The following POLQ variants were observed in gnomAD, a reference collection of about 807,000 sequenced individuals.
POLQ encodes DNA polymerase theta.
Under a neutral mutation model 259.2 loss-of-function variants are expected in POLQ, and 233 were observed. The ratio of observed to expected loss-of-function variants is 0.90; its 90% CI spans 0.81 to 1.00. The LOEUF is 1.00. POLQ is among the 50% of genes least tolerant of loss of function. The pLI, the probability that POLQ is intolerant of heterozygous loss-of-function variation, is 0.00. For synonymous variants in POLQ, 1,025 were observed against 1,048.8 expected, an observed-to-expected ratio of 0.98 and a Z score of 0.44; for missense variants, 2,871 against 3,051.6, an observed-to-expected ratio of 0.94 and a Z score of 1.39.
At chr3:121,437,443 A>C (rs141041294) in intron 27 of POLQ, among the ~76,000 whole-genome samples, 1 of 152,352 alleles carries the variant, frequency 6.6e-6, no homozygotes, top group East Asian at 1.9e-4. Context: ...AAGGTTGCTC[A>C]TTTGTAAGAT....
At chr3:121,482,101 A>G (rs548757997) in intron 18 of POLQ, among the ~76,000 whole-genome samples, 46 of 152,348 alleles carry the variant, frequency 3.0e-4, no homozygotes, top group Non-Finnish European at 5.4e-4. Flanking sequence ...AGTGTGTCTC[A>G]GCAAACTCAA....
chr3:121,493,400 T>C (rs1021304967), intron 15 of POLQ, 78 bp downstream of exon 15: 1 of 1,089,282 alleles, frequency 9.2e-7, no homozygotes, highest in Non-Finnish European at 1.3e-6. Context: ...AAAATAACTT[T>C]AATACATTAT....
intron 7 of POLQ, 125 bp from the exon 8 acceptor site, chr3:121,522,274 C>T (rs1225476358): frequency 2.1e-5 from 5 of 234,214 alleles, no homozygotes; most frequent in Non-Finnish European, 4.1e-5. Context: ...CTATATAATC[C>T]CCTGGAGATC....
At chr3:121,432,647 A>C (rs1377894003) in intron 29 of POLQ, among the ~76,000 whole-genome samples, 2 of 152,252 alleles carry the variant, frequency 1.3e-5, no homozygotes, top group African/African-American at 2.4e-5. Flanking sequence ...GAATGCTTGG[A>C]GCTTAGAAAC....
chr3:121,474,877 T>C (rs2047913520), intron 20 of POLQ, among the ~76,000 whole-genome samples: 3 of 152,238 alleles, frequency 2.0e-5, no homozygotes, highest in African/African-American at 7.2e-5. Flanking sequence ...ATTGTTTACC[T>C]GATTTTATTG....
rs1331932763 is a variant in POLQ, at chr3:121,449,180, C to G, written c.7264+135G>C. The G allele has an allele frequency of 1.3e-5, 7 of 545,762 alleles. No homozygotes were observed. The Admixed American group carries it at 1.9e-4, about 15-fold the overall frequency. 33.8% of individuals were successfully genotyped at this position (545,762 alleles called of 1,614,324 possible). On this transcript the variant is annotated intron_variant, in intron 26 of 29. Transcript: ENST00000264233. ...CTTAGTAAGTGATTATAAGGTTAAT[C>G]TTATTTACCCTTAACAATGCCTGAT...
At chr3:121,438,710 A>G (rs1280519672) in intron 27 of POLQ, among the ~76,000 whole-genome samples, 3 of 152,196 alleles carry the variant, frequency 2.0e-5, no homozygotes, top group South Asian at 2.1e-4. Flanking sequence ...AAGTATATCA[A>G]TGATGTTTTC....
intron 26 of POLQ, among the ~76,000 whole-genome samples, chr3:121,448,202 T>C (rs1339719919): frequency 6.6e-6 from 1 of 152,064 alleles, no homozygotes; most frequent in East Asian, 1.9e-4. Context: ...GCTTCATCCT[T>C]TTTAATACTT....
At chr3:121,543,101 A>G (rs576396154) in intron 2 of POLQ, among the ~76,000 whole-genome samples, 2 of 152,342 alleles carry the variant, frequency 1.3e-5, no homozygotes, top group Admixed American at 6.5e-5. Context: ...TGTACCAGGT[A>G]ATGGACCTAA....
Position 121,436,178 on chromosome 3 carries a change from T to C in POLQ, c.7487A>G (p.His2496Arg). ...VNIQKQLETF[H>R]STFKSHGHRE... ...ATGACCATGGGATTTGAAGGTTGAG[T>C]GGAAGGTCTCTAATTGCTTCTGAAT... Residue 2496 changes from histidine to arginine, a missense_variant, in exon 28 of 30, where the codon CAC becomes CGC. Coordinates refer to ENST00000264233, the MANE Select transcript of POLQ (RefSeq NM_199420.4). 6.2e-7 allele frequency: 1 copy of C among 1,613,896 alleles called. No homozygotes were observed. The highest frequency in any genetic ancestry group is 8.5e-7 in the Non-Finnish European group (1 of 1,179,804).
At position 121,440,064 on chromosome 3, in the gene POLQ, A is replaced by G. The variant is rs369060217; in HGVS notation, c.7317T>C (p.Phe2439=). The G allele has an allele frequency of 2.5e-6, 4 of 1,610,610 alleles. No individual in the cohort carries two copies. Among genetic ancestry groups the G allele is most frequent in the Non-Finnish European group, 3.4e-6 (4 of 1,176,880 alleles). Residue 2439 remains phenylalanine (F), a synonymous_variant, in exon 27 of 30, where the codon TTT becomes TTC. Coordinates refer to ENST00000264233, the MANE Select transcript of POLQ (RefSeq NM_199420.4). Reference sequence around the variant, plus strand: ...TACGCCTTCCCAAAATGGTCTGAACAAATCCGTCTCTTTTACAATTCTTCA... The same window carrying G: ...TACGCCTTCCCAAAATGGTCTGAACGAATCCGTCTCTTTTACAATTCTTCA... The part of the protein sequence containing the change: ...ETVKNCKRDG[F]VQTILGRRRY...
At chr3:121,494,126 A>C in intron 14 of POLQ, 2 of 753,352 alleles carry the variant, frequency 2.7e-6, no homozygotes, top group Non-Finnish European at 4.7e-6. Flanking sequence ...AAAGGAAAGA[A>C]GGCCAAGGGA....
chr3:121,489,960 G>A lies in POLQ; in HGVS notation c.2971C>T (p.Arg991Trp), dbSNP rs752913920. The A allele has an allele frequency of 8.2e-6, 13 of 1,578,830 alleles. No individual in the cohort carries two copies. Among genetic ancestry groups the A allele is most frequent in the African/African-American group, 5.5e-5 (4 of 72,586 alleles). The part of the protein sequence containing the change: ...QTCSIFRARK[R>W]ASLDINKEKP... ...TCTTTATTTATATCTAAAGAGGCCC[G>A]TTTTCTTGCTCTGAAAATGGAACAT... Residue 991 changes from arginine (R) to tryptophan (W), a missense_variant, in exon 16 of 30, where the codon CGG becomes TGG. Physicochemically the swap from Arg to Trp is moderately radical, Grantham distance 101. Around this residue, in one of 3 missense-constraint regions of POLQ, gnomAD observed 2,080 missense variants for 2,126.0 expected, o/e 0.98. Transcript: ENST00000264233.
chr3:121,511,226 CAAAAAAAAAAAAAA>C (rs34066876), intron 10 of POLQ, among the ~76,000 whole-genome samples: 1 of 74,942 alleles, frequency 1.3e-5, no homozygotes, highest in Non-Finnish European at 2.4e-5. Flanking sequence ...ACTCCGTCTC[CAAAAAAAAAAAAAA>C]AAAAAAAATT....
chr3:121,488,300 G>A lies in POLQ; in HGVS notation c.4631C>T (p.Thr1544Ile), dbSNP rs753031957. Residue 1544 changes from threonine to isoleucine, a missense_variant, in exon 16 of 30, where the codon ACC becomes ATC. Thr to Ile is a moderately conservative substitution (Grantham distance 89). Around this residue, in one of 3 missense-constraint regions of POLQ, gnomAD observed 2,080 missense variants for 2,126.0 expected, o/e 0.98. Coordinates refer to ENST00000264233, the MANE Select transcript of POLQ (RefSeq NM_199420.4). ...ATTGGAACAAGTCAACTGCTGGTGGGTATCTTGATTCTCATTTACATTTGA... is the reference window on the plus strand; with the variant it reads ...ATTGGAACAAGTCAACTGCTGGTGGATATCTTGATTCTCATTTACATTTGA... Reference protein sequence around the residue: ...KKSNVNENQDTHQQLTCSNDE... With the variant: ...KKSNVNENQDIHQQLTCSNDE... The A allele has an allele frequency of 2.5e-6, 4 of 1,612,208 alleles. No homozygotes were observed. Among genetic ancestry groups the A allele is most frequent in the Non-Finnish European group, 3.4e-6 (4 of 1,179,168 alleles).
intron 20 of POLQ, among the ~76,000 whole-genome samples, chr3:121,473,727 C>CTTTTTTT (rs10636473): frequency 8.8e-6 from 1 of 114,266 alleles, no homozygotes; most frequent in Non-Finnish European, 1.7e-5. Context: ...AACACAAGGC[C>CTTTTTTT]TTTTTTTTTT....
chr3:121,487,615 A>T lies in POLQ; in HGVS notation c.5316T>A (p.Tyr1772Ter). 1 of 1,614,020 alleles carries T rather than the reference A, an allele frequency of 6.2e-7. No individual in the cohort carries two copies. The highest frequency in any genetic ancestry group is 8.5e-7 in the Non-Finnish European group (1 of 1,179,956). Reference protein sequence around the residue: ...TNNVLQPGESYLFGSPSDIKN... With the variant: ...TNNVLQPGES ...TAATATCTGAAGGTGAGCCAAATAA[A>T]TAACTTTCACCAGGTTGTAAAACAT... is the stretch of plus-strand genomic sequence containing the variant. Residue 1772 changes from tyrosine (Y) to a stop codon, truncating the protein, a stop_gained, in exon 16 of 30, where the codon TAT (tyrosine) becomes TAA (stop). Coordinates refer to ENST00000264233, the MANE Select transcript of POLQ (RefSeq NM_199420.4). LOFTEE classifies it high-confidence loss of function.
At chr3:121,528,329 G>A (rs1333047785) in intron 7 of POLQ, among the ~76,000 whole-genome samples, 2 of 151,394 alleles carry the variant, frequency 1.3e-5, no homozygotes, top group Non-Finnish European at 2.9e-5. Context: ...TATGTTGGCT[G>A]GGCTGGAAAT....
At chr3:121,468,646 C>CACT (rs1312339401) in intron 22 of POLQ, among the ~76,000 whole-genome samples, 4 of 152,130 alleles carry the variant, frequency 2.6e-5, no homozygotes, top group Non-Finnish European at 5.9e-5. Flanking sequence ...GAATTGGCTA[C>CACT]ACTACTATGT....
Sources: allele counts gnomAD v4.1 joint callset (sites outside exome capture counted in the v4.1 genomes callset), GRCh38; gene constraint gnomAD v4.1.1; regional missense constraint gnomAD v4.1.1; transcripts MANE v1.5; gene names NCBI Gene and HGNC (gene_info 2026-07-23, HGNC 2026-07-21).